The following MITF variants were observed in gnomAD, a reference collection of about 807,000 sequenced individuals.
MITF encodes the protein microphthalmia-associated transcription factor.
A neutral mutation model predicts 60.5 loss-of-function variants in MITF; 17 were observed. The ratio of observed to expected loss-of-function variants is 0.28; its 90% confidence interval spans 0.19 to 0.42. The LOEUF (loss-of-function observed/expected upper bound fraction) is 0.42, where lower values mean the gene tolerates loss of function less well. Ranked by LOEUF, MITF falls within the 10% of genes least tolerant of loss-of-function variation. The probability of loss-of-function intolerance (pLI) is 1.00; values close to 1 mark genes in which losing one functional copy is unlikely to be tolerated. For missense variants in MITF, 622 were observed against 683.5 expected, an observed-to-expected ratio of 0.91 and a Z score of 1.00; for synonymous variants, 260 against 248.5, an observed-to-expected ratio of 1.05 and a Z score of -0.43.
chr3:69,928,580 G>C (rs1279880197), intron 2 of MITF, among the ~76,000 whole-genome samples: 1 of 152,178 alleles, frequency 6.6e-6, no homozygotes, highest in East Asian at 1.9e-4. Flanking sequence ...TCTCAACTCT[G>C]TTGCTTTTCA....
intron 1 of MITF, among the ~76,000 whole-genome samples, chr3:69,842,357 T>C (rs543648005): frequency 8.1e-4 from 124 of 152,344 alleles, no homozygotes; most frequent in African/African-American, 2.9e-3. Flanking sequence ...GACAGATTTA[T>C]ACCCTTTAAT....
intron 1 of MITF, among the ~76,000 whole-genome samples, chr3:69,823,175 G>A (rs1225850609): frequency 3.9e-5 from 6 of 152,018 alleles, no homozygotes; most frequent in East Asian, 3.9e-4. Context: ...CGCTGCACTC[G>A]GCCTCATCCT....
At chr3:69,882,129 C>T (rs2064503597) in intron 2 of MITF, among the ~76,000 whole-genome samples, 1 of 151,902 alleles carries the variant, frequency 6.6e-6, no homozygotes, top group South Asian at 2.1e-4. Flanking sequence ...CTTTTTTTGG[C>T]AGAGTAAAAT....
chr3:69,874,540 C>T (rs566492133), intron 1 of MITF, among the ~76,000 whole-genome samples: 2 of 152,264 alleles, frequency 1.3e-5, no homozygotes, highest in East Asian at 1.9e-4. Context: ...AGATGTATTG[C>T]GAAGCACAGA....
intron 5 of MITF, among the ~76,000 whole-genome samples, chr3:69,946,340 G>A (rs1479619867): frequency 6.6e-6 from 1 of 152,102 alleles, no homozygotes; most frequent in Non-Finnish European, 1.5e-5. Context: ...ATCCACATTC[G>A]GCTAGTAAGC....
chr3:69,933,350 G>A (rs1173582234), intron 2 of MITF, among the ~76,000 whole-genome samples: 1 of 152,076 alleles, frequency 6.6e-6, no homozygotes, highest in Admixed American at 6.6e-5. Context: ...CAGCCAAGAT[G>A]GTAGTATCTA....
intron 4 of MITF, among the ~76,000 whole-genome samples, chr3:69,939,949 A>G (rs1250294783): frequency 6.6e-6 from 1 of 152,216 alleles, no homozygotes; most frequent in Non-Finnish European, 1.5e-5. Flanking sequence ...AAGACAAACA[A>G]AACAAATAAA....
intron 1 of MITF, among the ~76,000 whole-genome samples, chr3:69,855,316 T>G (rs900494656): frequency 6.6e-6 from 1 of 150,698 alleles, no homozygotes; most frequent in Non-Finnish European, 1.5e-5. Context: ...TTTTTGAAAT[T>G]GTCAGTTTAA....
chr3:69,943,072 C>CTTTTTTT (rs781031439), intron 5 of MITF, among the ~76,000 whole-genome samples: 2 of 124,932 alleles, frequency 1.6e-5, no homozygotes, highest in African/African-American at 3.0e-5. Flanking sequence ...TTAGCCTCCT[C>CTTTTTTT]TTTTTTTTTT....
chr3:69,798,184 C>A (rs1408364394), intron 1 of MITF, among the ~76,000 whole-genome samples: 2 of 152,176 alleles, frequency 1.3e-5, no homozygotes, highest in East Asian at 3.9e-4. Flanking sequence ...ATTAAAAGCC[C>A]AGTTGATAGA....
chr3:69,943,778 A>C (rs1476943411), intron 5 of MITF, among the ~76,000 whole-genome samples: 5 of 152,030 alleles, frequency 3.3e-5, no homozygotes, highest in African/African-American at 1.2e-4. Flanking sequence ...TCATGACCCC[A>C]TATATGCTTC....
At chr3:69,921,967 T>C (rs1403264066) in intron 2 of MITF, among the ~76,000 whole-genome samples, 4 of 152,208 alleles carry the variant, frequency 2.6e-5, no homozygotes, top group African/African-American at 9.6e-5. Flanking sequence ...CACATAGTTA[T>C]GACAACCAAA....
intron 1 of MITF, among the ~76,000 whole-genome samples, chr3:69,842,180 C>T (rs1002830804): frequency 2.6e-5 from 4 of 152,060 alleles, no homozygotes; most frequent in Admixed American, 6.6e-5. Flanking sequence ...ATAGTCAGTT[C>T]TGCTATAACA....
chr3:69,885,969 AT>A (rs2064606305), intron 2 of MITF, among the ~76,000 whole-genome samples: 1 of 152,130 alleles, frequency 6.6e-6, no homozygotes, highest in East Asian at 1.9e-4. Flanking sequence ...GGTAGTTATT[AT>A]TAGCATCCCC....
chr3:69,953,281 A>G (rs1431956089), intron 7 of MITF, among the ~76,000 whole-genome samples: 1 of 152,146 alleles, frequency 6.6e-6, no homozygotes, highest in Non-Finnish European at 1.5e-5. Flanking sequence ...TACTTAAGTG[A>G]GATGTGGAAA....
At chr3:69,771,509 C>T (rs911477243) in intron 1 of MITF, among the ~76,000 whole-genome samples, 9 of 152,048 alleles carry the variant, frequency 5.9e-5, no homozygotes, top group African/African-American at 1.4e-4. Flanking sequence ...CATTAGTGAA[C>T]GGGGAGGATT....
At chr3:69,943,687 AT>A (rs2066024480) in intron 5 of MITF, among the ~76,000 whole-genome samples, 1 of 152,148 alleles carries the variant, frequency 6.6e-6, no homozygotes, top group Admixed American at 6.5e-5. Context: ...CTCACAGTAA[AT>A]AACTCTGTAA....
intron 6 of MITF, among the ~76,000 whole-genome samples, chr3:69,951,312 T>C (rs2107517860): frequency 6.6e-6 from 1 of 152,070 alleles, no homozygotes; most frequent in Middle Eastern, 3.4e-3. Flanking sequence ...ACTCCTGGGC[T>C]CAAGTGATCT....
chr3:69,745,656 T>C (rs917911197), intron 1 of MITF, among the ~76,000 whole-genome samples: 1 of 152,216 alleles, frequency 6.6e-6, no homozygotes, highest in Non-Finnish European at 1.5e-5. Flanking sequence ...TCTTGTGGTC[T>C]CCAGGCACCT....
Sources: gnomAD v4.1 joint callset for allele counts (sites outside exome capture counted in the v4.1 genomes callset) on GRCh38, gnomAD v4.1.1 for gene constraint, MANE v1.5 for transcripts, NCBI Gene and HGNC (gene_info 2026-07-23, HGNC 2026-07-21) for gene names.